The following ZNF485 variants were observed in gnomAD, a reference collection of about 807,000 sequenced individuals.
The protein encoded by ZNF485 is Zinc finger protein 93 (Zinc finger protein HTF34).
A neutral mutation model predicts 10.8 loss-of-function variants in ZNF485; 9 were observed. That is an observed-to-expected ratio of 0.83 (90% confidence interval 0.50 to 1.45). The LOEUF (loss-of-function observed/expected upper bound fraction) is 1.45, where lower values mean the gene tolerates loss of function less well. Ranked by LOEUF, ZNF485 falls within the 40% of genes most tolerant of loss-of-function variation. The probability of loss-of-function intolerance (pLI) is 0.00; values close to 1 mark genes in which losing one functional copy is unlikely to be tolerated. For missense variants in ZNF485, 487 were observed against 528.0 expected (o/e 0.92, Z 0.76); for synonymous variants, 187 against 181.0 (o/e 1.03, Z -0.27).
Position 43,609,299 on chromosome 10 carries a change from G to T in ZNF485, c.196G>T (p.Gly66Trp). Residue 66 changes from glycine to tryptophan, a missense_variant, in exon 4 of 5, where the codon GGG (glycine) becomes TGG (tryptophan). By Grantham distance (184) the Gly-to-Trp change is radical (BLOSUM62 -2). Coordinates refer to ENST00000361807, the MANE Select transcript of ZNF485 (RefSeq NM_145312.4). ...KPKLITQLEQ[G>W]AEPWTEVREA... ...AAAACTAATTACTCAGTTGGAGCAA[G>T]GGGCAGAGCCCTGGACTGAGGTGCG... 6.2e-7 allele frequency: 1 copy of T among 1,614,036 alleles called. No individual in the cohort carries two copies. The highest frequency in any genetic ancestry group is 8.5e-7 in the Non-Finnish European group (1 of 1,179,956).
chr10:43,615,535 G>A (rs1349609725), intron 4 of ZNF485, among the ~76,000 whole-genome samples: 2 of 143,636 alleles, frequency 1.4e-5, no homozygotes, highest in Non-Finnish European at 2.9e-5. Context: ...CCGAGTAGCT[G>A]GGATTAAAGG....
chr10:43,608,574 A>G (rs941092653), intron 2 of ZNF485, 40 bp from the exon 3 acceptor site: 2 of 1,579,638 alleles, frequency 1.3e-6, no homozygotes, highest in South Asian at 2.3e-5. Flanking sequence ...TGCCTCCCTC[A>G]GGGGTTCCCG....
chr10:43,607,492 G>A (rs1838676060), intron 2 of ZNF485: 1 of 183,260 alleles, frequency 5.5e-6, no homozygotes, highest in African/African-American at 2.3e-5. Context: ...GGAAAGCGCT[G>A]CCTGAATGAA....
intron 4 of ZNF485, among the ~76,000 whole-genome samples, chr10:43,613,633 A>G (rs1036331387): frequency 2.6e-5 from 4 of 152,204 alleles, no homozygotes; most frequent in African/African-American, 9.7e-5. Flanking sequence ...GGCATTTTCC[A>G]GCTTTTGGCT....
At chr10:43,607,681 T>TACAAATAG (rs1480691934) in intron 2 of ZNF485, among the ~76,000 whole-genome samples, 1 of 152,230 alleles carries the variant, frequency 6.6e-6, no homozygotes, top group Non-Finnish European at 1.5e-5. Context: ...GTGTCTATTA[T>TACAAATAG]ACAAATAAAA....
In ZNF485 at chr10:43,614,309, A is replaced by G. The variant is rs370009581; in HGVS notation, c.248-1982A>G. 1.4e-4 allele frequency among the ~76,000 whole-genome samples: 22 copies of G among 152,066 alleles called. No homozygotes were observed. The East Asian group carries it at 3.9e-3, about 27-fold the overall frequency. On this transcript the variant is annotated intron_variant, in intron 4 of 4. Transcript: ENST00000361807. ...GAAGAGCCTGTTATTGATTACATGT[A>G]TTGTACCATCCCTCTCTCTGTTGTT...
chr10:43,608,745 G>A lies in ZNF485; in HGVS notation c.151+5G>A. 1 of 1,613,564 alleles carries A rather than the reference G, an allele frequency of 6.2e-7. No individual in the cohort carries two copies. Among genetic ancestry groups the A allele is most frequent in the Non-Finnish European group, 8.5e-7 (1 of 1,179,710 alleles). ...ATGGGAATCTGGTGTCTGTGGGTGA[G>A]GATGGCTTTCTCCTTGACTCAGGAT... On this transcript the variant is annotated splice_donor_5th_base_variant and intron_variant, in intron 3 of 4. Coordinates refer to ENST00000361807, the MANE Select transcript of ZNF485 (RefSeq NM_145312.4).
At chr10:43,616,239 C>T in intron 4 of ZNF485, 52 bp from the exon 5 acceptor site, 2 of 1,424,962 alleles carry the variant, frequency 1.4e-6, no homozygotes, top group Non-Finnish European at 9.5e-7. Flanking sequence ...ACAACTCTCA[C>T]TTTCAGCATT....
At chr10:43,612,639 T>G (rs1425574445) in intron 4 of ZNF485, among the ~76,000 whole-genome samples, 2 of 152,212 alleles carry the variant, frequency 1.3e-5, no homozygotes, top group Non-Finnish European at 2.9e-5. Context: ...AAGTTACTTG[T>G]GTTGAACAAA....
At chr10:43,612,941 T>C (rs894492563) in intron 4 of ZNF485, among the ~76,000 whole-genome samples, 1 of 152,188 alleles carries the variant, frequency 6.6e-6, no homozygotes, top group African/African-American at 2.4e-5. Flanking sequence ...AATATAAATA[T>C]TTAAAGCCTT....
In ZNF485 at chr10:43,616,678, A is replaced by C. The variant is rs1410617379; in HGVS notation, c.635A>C (p.Lys212Thr). 1 of 1,614,086 alleles carries C rather than the reference A, an allele frequency of 6.2e-7. No homozygotes were observed. Among genetic ancestry groups the C allele is most frequent in the African/African-American group, 1.3e-5 (1 of 74,940 alleles). Residue 212 changes from lysine to threonine, a missense_variant, in exon 5 of 5, where the codon AAA becomes ACA. Physicochemically the swap from Lys to Thr is moderately conservative, Grantham distance 78. Coordinates refer to ENST00000361807, the MANE Select transcript of ZNF485 (RefSeq NM_145312.4). Reference sequence around the variant, plus strand: ...CATCAGAGAATTCATTCTAGGGAGAAACCCCACAAATGCATTGAATGTGGA... The same window carrying C: ...CATCAGAGAATTCATTCTAGGGAGACACCCCACAAATGCATTGAATGTGGA... ...INHQRIHSRE[K>T]PHKCIECGKT...
Position 43,606,561 on chromosome 10 carries a change from G to C in ZNF485, c.-55+15G>C. The C allele has an allele frequency of 6.6e-6, 2 of 304,212 alleles. No homozygotes were observed. Among genetic ancestry groups the C allele is most frequent in the Non-Finnish European group, 1.2e-5 (2 of 161,590 alleles). 18.8% of individuals were successfully genotyped at this position (304,212 alleles called of 1,614,324 possible). A position where few individuals can be genotyped will look rare whatever the true frequency, so the allele number is the denominator to read the frequency against. ...GGCTCGGTTCGGTTCGTGAGCGGCC[G>C]GGGTCAGGCTGGGTCCCTGAAGCCT... On this transcript the variant is annotated intron_variant, in intron 1 of 4. Coordinates refer to ENST00000361807, the MANE Select transcript of ZNF485 (RefSeq NM_145312.4).
intron 1 of ZNF485, 78 bp downstream of exon 1, chr10:43,606,624 C>T: frequency 6.9e-6 from 2 of 289,002 alleles, no homozygotes; most frequent in Non-Finnish European, 1.3e-5. Flanking sequence ...TTCCCAGGGG[C>T]GGGTCGAGGG....
intron 2 of ZNF485, 48 bp from the exon 3 acceptor site, chr10:43,608,566 C>A: frequency 1.3e-6 from 2 of 1,564,716 alleles, no homozygotes; most frequent in South Asian, 1.2e-5. Context: ...TCTTGGGATG[C>A]CTCCCTCAGG....
At chr10:43,612,508 T>C (rs1289986722) in intron 4 of ZNF485, among the ~76,000 whole-genome samples, 1 of 152,142 alleles carries the variant, frequency 6.6e-6, no homozygotes. Flanking sequence ...AGGGGAGGAA[T>C]TGGGGGTACT....
chr10:43,609,672 T>TTTTC (rs1343206050), intron 4 of ZNF485, among the ~76,000 whole-genome samples: 1 of 152,004 alleles, frequency 6.6e-6, no homozygotes, highest in African/African-American at 2.4e-5. Flanking sequence ...TTCTGTTCCA[T>TTTTC]TTTCTTTCTT....
chr10:43,607,728 C>T (rs754439160), intron 2 of ZNF485, among the ~76,000 whole-genome samples: 1 of 152,238 alleles, frequency 6.6e-6, no homozygotes, highest in Non-Finnish European at 1.5e-5. Flanking sequence ...TTCTACTGCT[C>T]TAAGTCAAGT....
intron 4 of ZNF485, among the ~76,000 whole-genome samples, chr10:43,615,824 A>G (rs1364653182): frequency 6.6e-6 from 1 of 152,182 alleles, no homozygotes; most frequent in Admixed American, 6.5e-5. Context: ...GCAATTAAAT[A>G]TTGGTTCACT....
At chr10:43,612,999 T>C (rs1166330503) in intron 4 of ZNF485, among the ~76,000 whole-genome samples, 1 of 152,230 alleles carries the variant, frequency 6.6e-6, no homozygotes, top group Non-Finnish European at 1.5e-5. Flanking sequence ...GGTTACAGTA[T>C]GTAGAGCTTT....
Sources: gnomAD v4.1 joint callset for allele counts (sites outside exome capture counted in the v4.1 genomes callset) on GRCh38, gnomAD v4.1.1 for gene constraint, MANE v1.5 for transcripts, NCBI Gene and HGNC (gene_info 2026-07-23, HGNC 2026-07-21) for gene names.